Variants in ERC1 observed in about 807,000 individuals in gnomAD.
ERC1 encodes ELKS/RAB6-interacting/CAST family member 1, also known as RAB6 interacting protein 2.
A neutral mutation model predicts 132.0 loss-of-function variants in ERC1; 56 were observed. The observed-to-expected ratio is 0.42, with a 90% CI of 0.34 to 0.53. ERC1 has a LOEUF of 0.53. Ranked by LOEUF, ERC1 falls within the 20% of genes least tolerant of loss-of-function variation. The pLI is 0.03. For synonymous variants in ERC1, 478 were observed against 476.1 expected (o/e 1.00, Z -0.05); for missense variants, 1,202 against 1,349.9 (o/e 0.89, Z 1.72).
chr12:1,208,996 T>C (rs1957608819), intron 12 of ERC1, among the ~76,000 whole-genome samples: 1 of 118,260 alleles, frequency 8.5e-6, no homozygotes, highest in Non-Finnish European at 1.7e-5. Context: ...TGAGGTGGAG[T>C]CTTGCCCTGT....
At chr12:1,036,394 G>A (rs1298076269) in intron 2 of ERC1, among the ~76,000 whole-genome samples, 3 of 140,024 alleles carry the variant, frequency 2.1e-5, no homozygotes, top group African/African-American at 7.9e-5. Flanking sequence ...TTTTTTTTGA[G>A]ACAGAGTTTT....
At chr12:1,050,948 T>C (rs1228332713) in intron 2 of ERC1, among the ~76,000 whole-genome samples, 4 of 152,014 alleles carry the variant, frequency 2.6e-5, no homozygotes, top group African/African-American at 9.7e-5. Flanking sequence ...GAAGTTGCAG[T>C]GAGCCGAGAT....
intron 14 of ERC1, among the ~76,000 whole-genome samples, chr12:1,278,394 T>C (rs1009437437): frequency 6.6e-6 from 1 of 152,176 alleles, no homozygotes; most frequent in Non-Finnish European, 1.5e-5. Flanking sequence ...CCAGATATGT[T>C]CTAATGACAG....
At chr12:1,474,014 A>G (rs932390431) in intron 18 of ERC1, among the ~76,000 whole-genome samples, 4 of 152,188 alleles carry the variant, frequency 2.6e-5, no homozygotes. Flanking sequence ...ATACATTTCC[A>G]TTTATTCCAG....
At chr12:1,417,744 G>A (rs183455360) in intron 17 of ERC1, among the ~76,000 whole-genome samples, 1 of 141,552 alleles carries the variant, frequency 7.1e-6, no homozygotes, top group Non-Finnish European at 1.5e-5. Context: ...TTGTGCCATT[G>A]TACTTCAGCC....
At chr12:1,178,492 G>A (rs1351449498) in intron 8 of ERC1, among the ~76,000 whole-genome samples, 1 of 151,776 alleles carries the variant, frequency 6.6e-6, no homozygotes, top group African/African-American at 2.4e-5. Context: ...ATGATTGATA[G>A]ATAGAGGAAT....
At chr12:1,324,997 A>G (rs2082350818) in intron 15 of ERC1, among the ~76,000 whole-genome samples, 1 of 152,204 alleles carries the variant, frequency 6.6e-6, no homozygotes, top group Non-Finnish European at 1.5e-5. Context: ...AAGTGTGTTA[A>G]ACATAGAATA....
intron 18 of ERC1, among the ~76,000 whole-genome samples, chr12:1,445,246 T>C (rs2093273268): frequency 1.3e-5 from 2 of 148,668 alleles, no homozygotes; most frequent in African/African-American, 2.5e-5. Context: ...TTTTTTTTTT[T>C]TGAGATGAAG....
At chr12:1,338,321 A>G (rs921144814) in intron 15 of ERC1, among the ~76,000 whole-genome samples, 1 of 152,132 alleles carries the variant, frequency 6.6e-6, no homozygotes, top group African/African-American at 2.4e-5. Flanking sequence ...ACCTTGGTCT[A>G]TTCTGCTGTT....
chr12:1,049,610 A>G (rs987112739), intron 2 of ERC1, among the ~76,000 whole-genome samples: 2 of 152,158 alleles, frequency 1.3e-5, no homozygotes, highest in Non-Finnish European at 2.9e-5. Context: ...TGCCATCCTC[A>G]GTCTAGTGAG....
intron 7 of ERC1, among the ~76,000 whole-genome samples, chr12:1,116,823 C>A (rs935687625): frequency 6.6e-6 from 1 of 152,036 alleles, no homozygotes. Context: ...CCTCTTGATC[C>A]GCCCGCCTCT....
chr12:994,066 CAAAAA>C (rs72073964), intron 1 of ERC1, among the ~76,000 whole-genome samples: 18 of 64,208 alleles, frequency 2.8e-4, no homozygotes, highest in African/African-American at 3.5e-4. Context: ...AACTCCGTCT[CAAAAA>C]AAAAAAAAAA....
intron 2 of ERC1, among the ~76,000 whole-genome samples, chr12:1,054,579 ATGTCACTG>A (rs1216631636): frequency 6.6e-6 from 1 of 151,912 alleles, no homozygotes; most frequent in African/African-American, 2.4e-5. Flanking sequence ...TTCTCCTGGC[ATGTCACTG>A]TGCATTATCT....
chr12:1,380,449 A>G (rs1179827202), intron 16 of ERC1: 1 of 152,256 alleles, frequency 6.6e-6, no homozygotes, highest in Non-Finnish European at 1.5e-5. Context: ...CAAATCAACA[A>G]GTCTGATGGA....
rs369871664 is a variant in ERC1 at position 1,008,231 on chromosome 12, C to T, written c.-157+16909C>T. ...CTAGAGAGATGGTGATGTCATTCAT[C>T]GAGCTATTGATGGTTGTGGTGGGAC... On this transcript the variant is annotated intron_variant, in intron 1 of 18. Coordinates refer to ENST00000360905, the MANE Select transcript of ERC1 (RefSeq NM_178040.4). Among the ~76,000 whole-genome samples the T allele has an allele frequency of 8.8e-4, 134 of 152,240 alleles. 2 individuals are homozygous for T. The South Asian group carries it at 0.016, about 18-fold the overall frequency.
chr12:1,476,041 A>G (rs1019093748), intron 18 of ERC1, among the ~76,000 whole-genome samples: 1 of 151,712 alleles, frequency 6.6e-6, no homozygotes, highest in Non-Finnish European at 1.5e-5. Context: ...AGGTGGGTGG[A>G]TCACACGGTC....
intron 5 of ERC1, 87 bp from the exon 6 acceptor site, chr12:1,112,128 T>C (rs1395719905): frequency 1.2e-6 from 1 of 826,138 alleles, no homozygotes; most frequent in Non-Finnish European, 2.0e-6. Context: ...GTTATTGTTA[T>C]TTCTAGTTAC....
intron 2 of ERC1, among the ~76,000 whole-genome samples, chr12:1,064,849 A>G (rs895609422): frequency 1.3e-5 from 2 of 152,194 alleles, no homozygotes; most frequent in Admixed American, 6.5e-5. Context: ...GTTTTCCGCT[A>G]TTATTTCATT....
intron 7 of ERC1, among the ~76,000 whole-genome samples, chr12:1,132,823 G>A (rs921688950): frequency 1.3e-5 from 2 of 151,206 alleles, no homozygotes; most frequent in African/African-American, 4.9e-5. Context: ...AAGAATTTGT[G>A]TATTTAGGAC....
Sources: gnomAD v4.1 joint callset for allele counts (sites outside exome capture counted in the v4.1 genomes callset) on GRCh38, gnomAD v4.1.1 for gene constraint, MANE v1.5 for transcripts, NCBI Gene and HGNC (gene_info 2026-07-23, HGNC 2026-07-21) for gene names.